Variants in NEDD9 observed in about 807,000 individuals in gnomAD.
The protein encoded by NEDD9 is enhancer of filamentation 1.
Under a neutral mutation model 76.6 loss-of-function variants are expected in NEDD9, and 26 were observed. That is an observed-to-expected ratio of 0.34 (90% confidence interval 0.25 to 0.47). The LOEUF is 0.47. Among genes scored for constraint, NEDD9 ranks in the 20% least tolerant of loss-of-function variants. The probability of loss-of-function intolerance (pLI) is 1.00; values close to 1 mark genes in which losing one functional copy is unlikely to be tolerated. For missense variants in NEDD9, 937 were observed against 1,058.5 expected (o/e 0.89, Z 1.59); for synonymous variants, 392 against 414.2 (o/e 0.95, Z 0.65).
At chr6:11,290,768 G>T (rs1273836569) in intron 3 of NEDD9, among the ~76,000 whole-genome samples, 1 of 152,184 alleles carries the variant, frequency 6.6e-6, no homozygotes, top group Non-Finnish European at 1.5e-5. Flanking sequence ...TGTCTTCCGA[G>T]TCTCAGTCGC....
chr6:11,244,748 T>C (rs1490911635), intron 3 of NEDD9, among the ~76,000 whole-genome samples: 1 of 152,228 alleles, frequency 6.6e-6, no homozygotes, highest in African/African-American at 2.4e-5. Flanking sequence ...GTGGTGAATA[T>C]GTTTTTCTCC....
chr6:11,244,269 ACACACACGTGTGTGCACG>A (rs1214053025), intron 3 of NEDD9, among the ~76,000 whole-genome samples: 2 of 151,136 alleles, frequency 1.3e-5, no homozygotes, highest in Admixed American at 6.6e-5. Context: ...TTACACACAC[ACACACACGTGTGTGCACG>A]CACACACACA....
intron 1 of NEDD9, among the ~76,000 whole-genome samples, chr6:11,218,598 C>T (rs763186274): frequency 9.9e-5 from 15 of 152,094 alleles, no homozygotes; most frequent in South Asian, 2.1e-4. Context: ...CCCCAGTATC[C>T]GAAACAAAAT....
At chr6:11,205,367 C>T (rs747600253) in intron 2 of NEDD9, among the ~76,000 whole-genome samples, 35 of 152,154 alleles carry the variant, frequency 2.3e-4, no homozygotes, top group African/African-American at 4.6e-4. Context: ...CAAAATGAGA[C>T]GGAAGCATGG....
At chr6:11,280,152 A>T (rs1397668552) in intron 3 of NEDD9, among the ~76,000 whole-genome samples, 2 of 152,256 alleles carry the variant, frequency 1.3e-5, no homozygotes, top group Middle Eastern at 3.4e-3. Context: ...ACAGTGAAAA[A>T]TGTCTCTATT....
intron 1 of NEDD9, among the ~76,000 whole-genome samples, chr6:11,350,278 G>C (rs1292364229): frequency 1.3e-5 from 2 of 152,186 alleles, no homozygotes; most frequent in Non-Finnish European, 2.9e-5. Flanking sequence ...GGGAAAAGAG[G>C]CTTTTGAACA....
At chr6:11,321,342 G>A (rs1459719208) in intron 2 of NEDD9, among the ~76,000 whole-genome samples, 4 of 152,160 alleles carry the variant, frequency 2.6e-5, no homozygotes, top group African/African-American at 9.7e-5. Context: ...TCATGACTCC[G>A]AGAGCTGAAT....
At chr6:11,215,344 C>A (rs574432710) in intron 1 of NEDD9, among the ~76,000 whole-genome samples, 1 of 152,238 alleles carries the variant, frequency 6.6e-6, no homozygotes, top group African/African-American at 2.4e-5. Context: ...TAAAGGGAAA[C>A]TGAGGAGTGC....
intron 3 of NEDD9, among the ~76,000 whole-genome samples, chr6:11,242,508 C>T (rs1411187096): frequency 6.6e-6 from 1 of 152,006 alleles, no homozygotes; most frequent in African/African-American, 2.4e-5. Flanking sequence ...GAGGCCATGT[C>T]TTCCCCCAGT....
chr6:11,319,464 A>G (rs368364431), intron 2 of NEDD9, among the ~76,000 whole-genome samples: 2 of 151,236 alleles, frequency 1.3e-5, no homozygotes, highest in African/African-American at 4.9e-5. Context: ...ACACACTGGT[A>G]CACACTCACA....
At chr6:11,295,218 T>A (rs1428610655) in intron 3 of NEDD9, among the ~76,000 whole-genome samples, 1 of 152,258 alleles carries the variant, frequency 6.6e-6, no homozygotes, top group Non-Finnish European at 1.5e-5. Flanking sequence ...CATTTGTATG[T>A]CTTCTTTTGA....
At chr6:11,341,595 A>T (rs1762274111) in intron 1 of NEDD9, among the ~76,000 whole-genome samples, 1 of 152,224 alleles carries the variant, frequency 6.6e-6, no homozygotes, top group African/African-American at 2.4e-5. Flanking sequence ...ATTAAAATTA[A>T]AATTGAGTTC....
chr6:11,319,675 TACACAAACATGGACACTC>T (rs1051207736), intron 2 of NEDD9, among the ~76,000 whole-genome samples: 1 of 107,534 alleles, frequency 9.3e-6, no homozygotes, highest in East Asian at 2.9e-4. Flanking sequence ...CATGCACACA[TACACAAACATGGACACTC>T]ACACAAACAT....
chr6:11,229,030 C>T (rs931995294), intron 1 of NEDD9, among the ~76,000 whole-genome samples: 7 of 152,260 alleles, frequency 4.6e-5, no homozygotes, highest in Admixed American at 4.6e-4. Flanking sequence ...AATTAAAGAT[C>T]CTCTGTCATT....
At chr6:11,247,262 GA>G (rs1759829526) in intron 3 of NEDD9, among the ~76,000 whole-genome samples, 1 of 152,132 alleles carries the variant, frequency 6.6e-6, no homozygotes. Flanking sequence ...CTCTCTAGAT[GA>G]GTCCTTTTTC....
chr6:11,346,473 GGAGGCCCCCCCCCCC>G (rs1208343975), intron 1 of NEDD9, among the ~76,000 whole-genome samples: 1 of 111,240 alleles, frequency 9.0e-6, no homozygotes, highest in East Asian at 4.7e-4. Context: ...AAGAAGGCTC[GGAGGCCCCCCCCCCC>G]GAGGTGAGTG....
At chr6:11,193,455 C>T in intron 3 of NEDD9, 136 bp downstream of exon 3, 1 of 520,306 alleles carries the variant, frequency 1.9e-6, no homozygotes, top group Non-Finnish European at 3.3e-6. Flanking sequence ...AAAGTGGCTA[C>T]TGGGTAGACA....
chr6:11,240,041 TCAA>T (rs1294922318), intron 3 of NEDD9, among the ~76,000 whole-genome samples: 17 of 79,400 alleles, frequency 2.1e-4, no homozygotes, highest in African/African-American at 3.7e-4. Context: ...AGACTTCATC[TCAA>T]AAAAAAAAAA....
chr6:11,226,856 T>C (rs1388893260), intron 1 of NEDD9, among the ~76,000 whole-genome samples: 4 of 152,228 alleles, frequency 2.6e-5, no homozygotes, highest in African/African-American at 4.8e-5. Flanking sequence ...TTATATCCTA[T>C]AACTATCTGA....
Sources: allele counts gnomAD v4.1 joint callset (sites outside exome capture counted in the v4.1 genomes callset), GRCh38; gene constraint gnomAD v4.1.1; transcripts MANE v1.5; gene names NCBI Gene and HGNC (gene_info 2026-07-23, HGNC 2026-07-21).